Variants in TSC22D3 observed in about 807,000 individuals in gnomAD.
TSC22D3 encodes the protein TSC22 domain family protein 3.
In TSC22D3, 4 loss-of-function variants were observed where a neutral mutation model predicts 11.1. The ratio of observed to expected loss-of-function variants is 0.36; its 90% CI spans 0.18 to 0.83. The LOEUF is 0.83. Ranked by LOEUF, TSC22D3 falls within the 40% of genes least tolerant of loss-of-function variation. The probability of loss-of-function intolerance (pLI) is 0.48; values close to 1 mark genes in which losing one functional copy is unlikely to be tolerated. For missense variants in TSC22D3, 118 were observed against 159.4 expected (o/e 0.74, Z 1.40); for synonymous variants, 77 against 70.3 (o/e 1.10, Z -0.48).
intron 1 of TSC22D3, among the ~76,000 whole-genome samples, chrX:107,726,216 A>T (rs1050271542): frequency 5.4e-5 from 6 of 111,796 alleles, no homozygotes; most frequent in African/African-American, 2.0e-4. Context: ...GTAGGAGGGG[A>T]ATTTACTGTT....
At chrX:107,774,851 C>T (rs751519151) in intron 1 of TSC22D3, 1 of 415,924 alleles carries the variant, frequency 2.4e-6, no homozygotes, top group Non-Finnish European at 4.1e-6. Flanking sequence ...GTCTGCCCAC[C>T]TTCTAGGCCC....
intron 1 of TSC22D3, among the ~76,000 whole-genome samples, chrX:107,746,765 T>C (rs752832752): frequency 8.9e-6 from 1 of 112,702 alleles, no homozygotes; most frequent in South Asian, 3.6e-4. Context: ...CACACATTCA[T>C]GTGTGTCCTC....
At position 107,753,605 on chromosome X, in the gene TSC22D3, G is replaced by C. The variant is rs185621837; in HGVS notation, c.320+21495C>G. Among the ~76,000 whole-genome samples the C allele has an allele frequency of 6.3e-5, 7 of 111,497 alleles. No homozygotes were observed. The Admixed American group carries it at 6.6e-4, about 11-fold the overall frequency. On this transcript the variant is annotated intron_variant, in intron 1 of 2. Coordinates refer to ENST00000372383, the MANE Select transcript of TSC22D3 (RefSeq NM_198057.3). ...GGATCTGTCTCCCCAAGTCAAACTA[G>C]GTACCATTACGCAGACCCCTTAGGT...
chrX:107,773,463 G>A (rs1198071461), intron 1 of TSC22D3, among the ~76,000 whole-genome samples: 1 of 112,307 alleles, frequency 8.9e-6, no homozygotes, highest in African/African-American at 3.2e-5. Context: ...GGATCCTTAG[G>A]AGCCTGTTAG....
At chrX:107,729,411 C>T (rs962028574) in intron 1 of TSC22D3, among the ~76,000 whole-genome samples, 6 of 111,864 alleles carry the variant, frequency 5.4e-5, no homozygotes, top group Admixed American at 3.8e-4. Context: ...AAGGGCAGGA[C>T]GCTGGAGGAG....
At chrX:107,764,996 G>T (rs1929597637) in intron 1 of TSC22D3, among the ~76,000 whole-genome samples, 1 of 112,088 alleles carries the variant, frequency 8.9e-6, no homozygotes, top group Non-Finnish European at 1.9e-5. Context: ...GCAATGAGGG[G>T]AGGGCCAGAG....
intron 1 of TSC22D3, among the ~76,000 whole-genome samples, chrX:107,754,841 G>T (rs565798736): frequency 2.7e-5 from 3 of 111,745 alleles, no homozygotes; most frequent in African/African-American, 9.7e-5. Context: ...ATTTTTTTTC[G>T]TGAAAAATCA....
At chrX:107,716,550 T>TC (rs1257867436) in intron 1 of TSC22D3, 232 of 239,437 alleles carry the variant, frequency 9.7e-4, no homozygotes, top group Non-Finnish European at 1.1e-3. Flanking sequence ...CTGCGTCCCC[T>TC]CCCCCCCGCC....
intron 1 of TSC22D3, among the ~76,000 whole-genome samples, chrX:107,752,000 A>T (rs1303821270): frequency 8.9e-6 from 1 of 112,517 alleles, no homozygotes; most frequent in Non-Finnish European, 1.9e-5. Flanking sequence ...AGCTGGATTC[A>T]TCATATCACA....
At chrX:107,718,647 T>C (rs1407316732) in intron 1 of TSC22D3, among the ~76,000 whole-genome samples, 1 of 112,981 alleles carries the variant, frequency 8.9e-6, no homozygotes, top group Non-Finnish European at 1.9e-5. Context: ...TTTTTGGCTA[T>C]GGTGTGGTGC....
chrX:107,762,293 A>G (rs919682755), intron 1 of TSC22D3, among the ~76,000 whole-genome samples: 2 of 111,828 alleles, frequency 1.8e-5, no homozygotes, highest in African/African-American at 6.5e-5. Context: ...AGACTAATTT[A>G]TCCAGGAGAC....
At position 107,775,083 on chromosome X, in the gene TSC22D3, T is replaced by C; in HGVS notation, c.320+17A>G. On this transcript the variant is annotated intron_variant, in intron 1 of 2. Coordinates refer to ENST00000372383, the MANE Select transcript of TSC22D3 (RefSeq NM_198057.3). ...GGGAGCAAGGACCGAGTTGCCGCCG[T>C]GTGCCGAGCCACCCACCTGTGGAAG... 1 of 1,206,331 alleles carries C rather than the reference T, an allele frequency of 8.3e-7. No homozygotes were observed. The highest frequency in any genetic ancestry group is 1.1e-6 in the Non-Finnish European group (1 of 892,447).
chrX:107,747,907 G>A (rs1928744189), intron 1 of TSC22D3, among the ~76,000 whole-genome samples: 1 of 112,551 alleles, frequency 8.9e-6, no homozygotes, highest in Non-Finnish European at 1.9e-5. Flanking sequence ...AGCAGTTTAT[G>A]TGGGTGAATC....
chrX:107,745,308 T>C (rs1481640758), intron 1 of TSC22D3, among the ~76,000 whole-genome samples: 4 of 112,434 alleles, frequency 3.6e-5, no homozygotes, highest in Non-Finnish European at 7.5e-5. Flanking sequence ...TCTAGGTTCC[T>C]TTCCAGAAGT....
intron 1 of TSC22D3, among the ~76,000 whole-genome samples, chrX:107,743,971 AGTGG>A (rs1490262535): frequency 8.9e-6 from 1 of 112,236 alleles, no homozygotes; most frequent in African/African-American, 3.2e-5. Flanking sequence ...GTGCAAGAGA[AGTGG>A]GTGGGTGGGA....
At chrX:107,774,802 G>A in intron 1 of TSC22D3, 1 of 366,485 alleles carries the variant, frequency 2.7e-6, no homozygotes, top group Non-Finnish European at 4.8e-6. Flanking sequence ...GTATGCATTT[G>A]AGGAGCGGGT....
intron 1 of TSC22D3, among the ~76,000 whole-genome samples, chrX:107,773,600 A>G (rs1271088277): frequency 8.9e-6 from 1 of 112,458 alleles, no homozygotes; most frequent in Non-Finnish European, 1.9e-5. Flanking sequence ...TATTATTTTT[A>G]AAAATTCAGC....
At position 107,775,569 on chromosome X, in the gene TSC22D3, C is replaced by G. The variant is rs1203857921; in HGVS notation, c.-150G>C. On this transcript the variant is annotated 5_prime_UTR_variant, in exon 1 of 3. Coordinates refer to ENST00000372383, the MANE Select transcript of TSC22D3 (RefSeq NM_198057.3). ...GAAATTAGCGCCTAAAGCCAGCCAC[C>G]TTCGGCTCGGCCCCCTTCTGGCTGT... The G allele has an allele frequency of 2.2e-6, 1 of 453,934 alleles. No individual in the cohort carries two copies. Among genetic ancestry groups the G allele is most frequent in the African/African-American group, 2.4e-5 (1 of 40,841 alleles). The allele number at this position is 453,934 out of a possible 1,213,427, so 37.4% of individuals were successfully genotyped here.
chrX:107,772,842 C>A (rs1261783910), intron 1 of TSC22D3, among the ~76,000 whole-genome samples: 3 of 111,235 alleles, frequency 2.7e-5, no homozygotes, highest in Non-Finnish European at 5.7e-5. Flanking sequence ...CAGAGTGAGA[C>A]CCTGTCTCAG....
Sources: allele counts gnomAD v4.1 joint callset (sites outside exome capture counted in the v4.1 genomes callset), GRCh38; gene constraint gnomAD v4.1.1; transcripts MANE v1.5; gene names NCBI Gene and HGNC (gene_info 2026-07-23, HGNC 2026-07-21).